Variants in DPP10 observed in about 807,000 individuals in gnomAD.
DPP10 encodes inactive dipeptidyl peptidase 10.
DPP10 carries 33 observed loss-of-function variants against 120.9 expected under a neutral mutation model. That is an observed-to-expected ratio of 0.27 (90% CI 0.21 to 0.37). The LOEUF is 0.37. DPP10 is among the 10% of genes least tolerant of loss of function. The pLI, the probability that DPP10 is intolerant of heterozygous loss-of-function variation, is 1.00. For synonymous variants in DPP10, 337 were observed against 326.1 expected, an observed-to-expected ratio of 1.03 and a Z score of -0.36; for missense variants, 816 against 942.8, an observed-to-expected ratio of 0.87 and a Z score of 1.76.
rs190182369 is a variant in DPP10 at position 115,751,872 on chromosome 2, C to T, written c.951-1302C>T. 2.0e-5 allele frequency among the ~76,000 whole-genome samples: 3 copies of T among 151,140 alleles called. No individual in the cohort carries two copies. The East Asian group carries it at 5.9e-4, about 30-fold the overall frequency. ...GTAGGGCAGTGGCACGATCTCGGCT[C>T]ACTGCAACCTCTGCCTCCCAGGTTC... On this transcript the variant is annotated intron_variant, in intron 10 of 25. Transcript: ENST00000410059.
intron 1 of DPP10, among the ~76,000 whole-genome samples, chr2:114,510,774 G>C (rs565244899): frequency 6.6e-6 from 1 of 152,212 alleles, no homozygotes; most frequent in African/African-American, 2.4e-5. Flanking sequence ...TTTGCCTTTA[G>C]GAGGATTTCT....
chr2:115,306,438 A>C (rs1356574313), intron 1 of DPP10, among the ~76,000 whole-genome samples: 1 of 152,148 alleles, frequency 6.6e-6, no homozygotes, highest in Non-Finnish European at 1.5e-5. Context: ...TCTCAAAAGC[A>C]GATTGTGCTG....
chr2:115,629,122 A>G (rs1039778994), intron 5 of DPP10, among the ~76,000 whole-genome samples: 50 of 152,160 alleles, frequency 3.3e-4, no homozygotes, highest in Non-Finnish European at 4.3e-4. Flanking sequence ...CGCTTCATCC[A>G]TGTCCCTACA....
chr2:115,695,510 G>A (rs1403770980), intron 7 of DPP10, among the ~76,000 whole-genome samples: 1 of 152,110 alleles, frequency 6.6e-6, no homozygotes, highest in East Asian at 1.9e-4. Flanking sequence ...AGGAGGGCAT[G>A]TGCAAGAGAA....
intron 1 of DPP10, among the ~76,000 whole-genome samples, chr2:114,730,591 G>GTTGT (rs61098044): frequency 1.3e-5 from 2 of 151,974 alleles, no homozygotes; most frequent in South Asian, 2.1e-4. Flanking sequence ...TGTTTGGTTC[G>GTTGT]TTGTTTGTTT....
At chr2:115,504,154 G>A (rs552189541) in intron 4 of DPP10, among the ~76,000 whole-genome samples, 1 of 152,040 alleles carries the variant, frequency 6.6e-6, no homozygotes, top group African/African-American at 2.4e-5. Context: ...TTCCTCTCTT[G>A]TGTGTATTGC....
chr2:115,514,898 G>A (rs953796883), intron 4 of DPP10, among the ~76,000 whole-genome samples: 3 of 151,586 alleles, frequency 2.0e-5, no homozygotes, highest in Non-Finnish European at 3.0e-5. Flanking sequence ...ACAGAAATAT[G>A]TTTGTATATA....
At chr2:115,259,339 A>G (rs2059146379) in intron 1 of DPP10, among the ~76,000 whole-genome samples, 1 of 152,018 alleles carries the variant, frequency 6.6e-6, no homozygotes, top group South Asian at 2.1e-4. Context: ...AAAAAATTAG[A>G]TGGGCCTGGA....
chr2:115,500,755 G>A (rs570935912), intron 4 of DPP10, among the ~76,000 whole-genome samples: 4 of 152,098 alleles, frequency 2.6e-5, no homozygotes, highest in Non-Finnish European at 5.9e-5. Context: ...GGATGTCAAG[G>A]ATATGTACAG....
chr2:115,372,796 G>C (rs1032342917), intron 3 of DPP10, among the ~76,000 whole-genome samples: 3 of 152,190 alleles, frequency 2.0e-5, no homozygotes, highest in Non-Finnish European at 4.4e-5. Context: ...ATGGTGTAGG[G>C]AGAATGAGTG....
intron 1 of DPP10, among the ~76,000 whole-genome samples, chr2:115,299,771 G>A (rs139841537): frequency 3.9e-5 from 6 of 151,940 alleles, no homozygotes; most frequent in African/African-American, 1.4e-4. Flanking sequence ...TTTGATAACT[G>A]ATATCCACAG....
chr2:115,555,190 A>T (rs2080130470), intron 5 of DPP10, among the ~76,000 whole-genome samples: 1 of 152,092 alleles, frequency 6.6e-6, no homozygotes, highest in Non-Finnish European at 1.5e-5. Flanking sequence ...CATCTTCTAG[A>T]ATATATTATT....
chr2:115,354,170 T>C (rs180710321), intron 3 of DPP10, among the ~76,000 whole-genome samples: 19 of 152,294 alleles, frequency 1.2e-4, no homozygotes, highest in African/African-American at 4.1e-4. Flanking sequence ...TTGTCAACTT[T>C]TATTTTAGAT....
At chr2:115,616,298 A>G (rs1034090154) in intron 5 of DPP10, among the ~76,000 whole-genome samples, 3 of 152,112 alleles carry the variant, frequency 2.0e-5, no homozygotes. Context: ...TTCAATTCTC[A>G]TAAAATCTGT....
chr2:115,008,633 G>A (rs1702034357), intron 1 of DPP10, among the ~76,000 whole-genome samples: 1 of 112,426 alleles, frequency 8.9e-6, no homozygotes, highest in African/African-American at 2.8e-5. Context: ...CCATCAGAGT[G>A]AACAGGCAAC....
intron 1 of DPP10, among the ~76,000 whole-genome samples, chr2:114,485,352 A>G (rs1681416425): frequency 6.6e-6 from 1 of 152,138 alleles, no homozygotes. Flanking sequence ...CAACAGTAAA[A>G]AGCTGACTGG....
chr2:115,746,231 C>A, intron 10 of DPP10, 48 bp downstream of exon 10: 1 of 1,459,096 alleles, frequency 6.9e-7, no homozygotes, highest in Non-Finnish European at 9.6e-7. Flanking sequence ...TATTTTCACT[C>A]CAATTATCAT....
At chr2:114,724,719 A>G (rs1243858309) in intron 1 of DPP10, among the ~76,000 whole-genome samples, 2 of 152,214 alleles carry the variant, frequency 1.3e-5, no homozygotes, top group Admixed American at 6.5e-5. Flanking sequence ...CTGAAAGCTG[A>G]CTGAAGCTGG....
At chr2:115,133,429 T>C (rs915324299) in intron 1 of DPP10, among the ~76,000 whole-genome samples, 12 of 152,002 alleles carry the variant, frequency 7.9e-5, no homozygotes, top group Non-Finnish European at 1.5e-4. Flanking sequence ...CTGTTATTCA[T>C]GGGCATTTAG....
Sources: allele counts gnomAD v4.1 joint callset (sites outside exome capture counted in the v4.1 genomes callset), GRCh38; gene constraint gnomAD v4.1.1; transcripts MANE v1.5; gene names NCBI Gene and HGNC (gene_info 2026-07-23, HGNC 2026-07-21).